ITGA11: variants seen among roughly 807,000 people sequenced by gnomAD.
ITGA11 encodes the protein integrin subunit alpha 11, also known as integrin alpha-11.
A neutral mutation model predicts 141.9 loss-of-function variants in ITGA11; 97 were observed. The ratio of observed to expected loss-of-function variants is 0.68; its 90% CI spans 0.58 to 0.81. The LOEUF (loss-of-function observed/expected upper bound fraction) is 0.81. Among genes scored for constraint, ITGA11 ranks in the 30% least tolerant of loss-of-function variants. The pLI is 0.00. For missense variants in ITGA11, 1,387 were observed against 1,559.2 expected (o/e 0.89, Z 1.86); for synonymous variants, 658 against 624.6 (o/e 1.05, Z -0.80).
Position 68,432,058 on chromosome 15 carries a change from C to T in ITGA11, c.9G>A (p.Leu3=). MD[L]PRGLVVAWAL... ...CCCAGGCCACCACCAGGCCCCTGGG[C>T]AGGTCCATGGCCCGCGGCACGGCGG... The change falls in exon 1 of 30, where the codon CTG becomes CTA. Residue 3 remains leucine (L), a synonymous_variant. Transcript: ENST00000315757. 7.3e-7 allele frequency: 1 copy of T among 1,366,474 alleles called. No individual in the cohort carries two copies. The highest frequency in any genetic ancestry group is 9.4e-7 in the Non-Finnish European group (1 of 1,060,940). 84.6% of individuals were successfully genotyped at this position (1,366,474 alleles called of 1,614,324 possible). A position where few individuals can be genotyped will look rare whatever the true frequency, so the allele number is the denominator to read the frequency against.
rs1555444826 is a variant in ITGA11, at chr15:68,302,115, T to TGTGTGTGTG, written c.*943_*944insCACACACAC. On this transcript the variant is annotated 3_prime_UTR_variant, in exon 30 of 30. Transcript: ENST00000315757. ...GTGTGTGTGTGTGTGTGTGTGTGTG[T>TGTGTGTGTG]AGGGAGGGGGTGATACAGGGAGGGG... The TGTGTGTGTG allele has an allele frequency of 1.1e-4, 14 of 133,230 alleles. No homozygotes were observed. The highest frequency in any genetic ancestry group is 2.5e-4 in the South Asian group (1 of 4,068). 8.3% of individuals were successfully genotyped at this position (133,230 alleles called of 1,614,324 possible).
At chr15:68,334,834 C>T (rs1894293708) in intron 12 of ITGA11, among the ~76,000 whole-genome samples, 2 of 152,134 alleles carry the variant, frequency 1.3e-5, no homozygotes, top group South Asian at 2.1e-4. Flanking sequence ...GTCTAGCCCT[C>T]GATTCCCAAA....
intron 13 of ITGA11, 95 bp downstream of exon 13, chr15:68,332,243 T>A (rs1894195837): frequency 4.2e-6 from 6 of 1,426,472 alleles, no homozygotes; most frequent in Non-Finnish European, 4.8e-6. Flanking sequence ...GCTCCAGCAC[T>A]GGCCTCGCTA....
chr15:68,347,803 GTTAGGA>G (rs1275137401), intron 10 of ITGA11, among the ~76,000 whole-genome samples: 1 of 152,196 alleles, frequency 6.6e-6, no homozygotes, highest in African/African-American at 2.4e-5. Flanking sequence ...TCACAGAGGA[GTTAGGA>G]GAGGGCAACA....
At chr15:68,399,646 T>C (rs769904445) in intron 2 of ITGA11, among the ~76,000 whole-genome samples, 1 of 152,070 alleles carries the variant, frequency 6.6e-6, no homozygotes, top group Non-Finnish European at 1.5e-5. Flanking sequence ...AAAGAAATCA[T>C]GTCCTTTGCA....
chr15:68,368,565 T>C (rs988597905), intron 3 of ITGA11, among the ~76,000 whole-genome samples: 2 of 152,218 alleles, frequency 1.3e-5, no homozygotes, highest in African/African-American at 4.8e-5. Flanking sequence ...GAAAGCTCTT[T>C]GGCGAGGAAA....
chr15:68,404,943 G>A (rs1896607506), intron 1 of ITGA11, among the ~76,000 whole-genome samples: 2 of 152,188 alleles, frequency 1.3e-5, no homozygotes, highest in South Asian at 4.1e-4. Context: ...AAGCAGCAAA[G>A]GGAAAACAGA....
chr15:68,371,214 A>G (rs1895578929), intron 2 of ITGA11, among the ~76,000 whole-genome samples: 1 of 152,052 alleles, frequency 6.6e-6, no homozygotes, highest in Non-Finnish European at 1.5e-5. Flanking sequence ...GAGAGAGAGA[A>G]AGTGAGAGAA....
intron 15 of ITGA11, among the ~76,000 whole-genome samples, chr15:68,330,657 C>T (rs971724387): frequency 3.9e-5 from 6 of 152,038 alleles, no homozygotes; most frequent in African/African-American, 1.2e-4. Context: ...AAGGAAAGGT[C>T]CTTCCAGATG....
intron 4 of ITGA11, 187 bp from the exon 5 acceptor site, chr15:68,361,891 G>T (rs1895254468): frequency 5.6e-6 from 3 of 533,024 alleles, no homozygotes; most frequent in Non-Finnish European, 1.0e-5. Context: ...TAGTTCCTTT[G>T]GTTTCAGGTC....
chr15:68,341,935 A>C (rs564447147), intron 10 of ITGA11, among the ~76,000 whole-genome samples: 2 of 152,162 alleles, frequency 1.3e-5, no homozygotes, highest in Admixed American at 1.3e-4. Flanking sequence ...CTCCCACCTC[A>C]TCCCATTTTA....
intron 20 of ITGA11, among the ~76,000 whole-genome samples, chr15:68,319,560 C>T (rs775790573): frequency 5.3e-5 from 8 of 152,186 alleles, no homozygotes; most frequent in Non-Finnish European, 1.5e-5. Flanking sequence ...AATGAGGAGC[C>T]TGGAGTTTGT....
chr15:68,359,974 G>A (rs1363295664), intron 5 of ITGA11, among the ~76,000 whole-genome samples: 2 of 152,246 alleles, frequency 1.3e-5, no homozygotes, highest in Non-Finnish European at 2.9e-5. Context: ...GTTGAAGTCA[G>A]TGCTGAGCAG....
chr15:68,353,748 A>G (rs1175251271), intron 7 of ITGA11, among the ~76,000 whole-genome samples: 1 of 152,164 alleles, frequency 6.6e-6, no homozygotes, highest in Non-Finnish European at 1.5e-5. Flanking sequence ...TAGAAACCAG[A>G]GTGGCCCATG....
intron 1 of ITGA11, among the ~76,000 whole-genome samples, chr15:68,410,667 GC>G (rs944052271): frequency 3.3e-5 from 5 of 152,236 alleles, no homozygotes; most frequent in Admixed American, 3.3e-4. Flanking sequence ...CTGCCAGCCA[GC>G]CTTCCCTTCT....
intron 20 of ITGA11, among the ~76,000 whole-genome samples, chr15:68,318,240 C>A (rs1187308661): frequency 1.3e-5 from 2 of 152,170 alleles, no homozygotes; most frequent in African/African-American, 2.4e-5. Context: ...CTTCACAGAA[C>A]ATGTCTCCCA....
chr15:68,344,840 G>A (rs755957849), intron 10 of ITGA11, among the ~76,000 whole-genome samples: 22 of 151,864 alleles, frequency 1.4e-4, no homozygotes, highest in Middle Eastern at 3.4e-3. Context: ...AGGTTTCTGC[G>A]TAGACAAGAT....
rs73429837 is a variant in ITGA11, at chr15:68,306,327, G to C, written c.3381+1021C>G. 2.8e-3 allele frequency among the ~76,000 whole-genome samples: 191 copies of C among 69,448 alleles called. 1 individual carries two copies. The highest frequency in any genetic ancestry group is 0.012 in the Admixed American group (97 of 8,052). 45.6% of individuals were successfully genotyped at this position (69,448 alleles called of 152,430 possible). On this transcript the variant is annotated intron_variant, in intron 28 of 29. Coordinates refer to ENST00000315757, the MANE Select transcript of ITGA11 (RefSeq NM_001004439.2). ...AGAAGGGTTCTCTCTCTCTCTCTCT[G>C]TGTGTGTGAGCAGGGTATGTGTGGG...
At chr15:68,354,090 C>A (rs1020819086) in intron 7 of ITGA11, among the ~76,000 whole-genome samples, 2 of 152,160 alleles carry the variant, frequency 1.3e-5, no homozygotes, top group African/African-American at 2.4e-5. Flanking sequence ...TGATTCTGTA[C>A]CTGCCCTCTG....
Sources: gnomAD v4.1 joint callset for allele counts (sites outside exome capture counted in the v4.1 genomes callset) on GRCh38, gnomAD v4.1.1 for gene constraint, MANE v1.5 for transcripts, NCBI Gene and HGNC (gene_info 2026-07-23, HGNC 2026-07-21) for gene names.